Variants in VCL observed in about 807,000 individuals in gnomAD.
VCL encodes the protein vinculin, also known as epididymis luminal protein 114.
A neutral mutation model predicts 125.7 loss-of-function variants in VCL; 47 were observed. The ratio of observed to expected loss-of-function variants is 0.37; its 90% CI spans 0.30 to 0.48. VCL has a LOEUF of 0.48. Among genes scored for constraint, VCL ranks in the 20% least tolerant of loss-of-function variants. The pLI, the probability that VCL is intolerant of heterozygous loss-of-function variation, is 0.99. For synonymous variants in VCL, 458 were observed against 514.6 expected (o/e 0.89, Z 1.49); for missense variants, 1,069 against 1,455.5 (o/e 0.73, Z 4.32).
intron 1 of VCL, among the ~76,000 whole-genome samples, chr10:74,033,505 A>G (rs1232733046): frequency 6.6e-6 from 1 of 152,190 alleles, no homozygotes; most frequent in Non-Finnish European, 1.5e-5. Flanking sequence ...AGTTGACACT[A>G]TTGACTGTTC....
In VCL at chr10:74,074,657, A is replaced by T. The variant is rs190317826; in HGVS notation, c.623-86A>T. ...TTTTAGGATCTTAAAAGCCCAAAAC[A>T]TCTAAAGTGTAGAACATCTTTTGTG... On this transcript the variant is annotated intron_variant, in intron 5 of 21. Coordinates refer to ENST00000211998, the MANE Select transcript of VCL (RefSeq NM_014000.3). The T allele has an allele frequency of 9.5e-5, 143 of 1,509,116 alleles. 3 individuals carry two copies. The East Asian group carries it at 2.1e-3, about 23-fold the overall frequency. The allele number at this position is 1,509,116 out of a possible 1,614,324, so 93.5% of individuals were successfully genotyped here. A position where few individuals can be genotyped will look rare whatever the true frequency, so the allele number is the denominator to read the frequency against.
intron 1 of VCL, among the ~76,000 whole-genome samples, chr10:74,002,880 C>CA (rs777477698): frequency 0.12 from 7,770 of 66,590 alleles, 580 homozygotes; most frequent in African/African-American, 0.28. Flanking sequence ...GACTCTGTCT[C>CA]AAAAAAAAAA....
intron 2 of VCL, among the ~76,000 whole-genome samples, chr10:74,055,291 C>T (rs973842866): frequency 3.3e-5 from 5 of 152,084 alleles, no homozygotes; most frequent in African/African-American, 1.2e-4. Context: ...CAAAGTGAGA[C>T]TCTATTTCAA....
At chr10:74,054,405 A>G (rs1841359388) in intron 2 of VCL, among the ~76,000 whole-genome samples, 1 of 152,162 alleles carries the variant, frequency 6.6e-6, no homozygotes, top group African/African-American at 2.4e-5. Flanking sequence ...CTGTTGATAG[A>G]CGTTAGCCTG....
intron 10 of VCL, 142 bp from the exon 11 acceptor site, chr10:74,094,129 A>G (rs1839929673): frequency 2.1e-6 from 2 of 974,422 alleles, no homozygotes; most frequent in African/African-American, 3.3e-5. Flanking sequence ...TAAGGGCCAA[A>G]TAAATAAACC....
intron 2 of VCL, among the ~76,000 whole-genome samples, chr10:74,064,499 G>C (rs749986241): frequency 3.3e-5 from 5 of 151,896 alleles, no homozygotes; most frequent in Non-Finnish European, 7.4e-5. Context: ...TTGATATCCT[G>C]GACTCAAGCA....
At chr10:73,999,020 A>G (rs1387435687) in intron 1 of VCL, among the ~76,000 whole-genome samples, 2 of 149,290 alleles carry the variant, frequency 1.3e-5, no homozygotes, top group South Asian at 4.2e-4. Context: ...ACTTATGCTC[A>G]CTCCTCTGGC....
At chr10:74,086,560 T>G (rs1182385846) in intron 8 of VCL, among the ~76,000 whole-genome samples, 3 of 152,262 alleles carry the variant, frequency 2.0e-5, no homozygotes, top group African/African-American at 7.2e-5. Flanking sequence ...CTCACTTTTG[T>G]GTCTTTTGTC....
chr10:74,103,414 T>G (rs1442642219), intron 14 of VCL, among the ~76,000 whole-genome samples: 1 of 152,170 alleles, frequency 6.6e-6, no homozygotes. Context: ...TCCTGTCTCA[T>G]GGGGTTGTTG....
chr10:74,112,383 C>T (rs1166646096), intron 19 of VCL, among the ~76,000 whole-genome samples: 1 of 152,138 alleles, frequency 6.6e-6, no homozygotes, highest in Admixed American at 6.5e-5. Flanking sequence ...GATTTTGTGG[C>T]CATCGCTGGA....
chr10:74,024,203 A>G (rs1165393806), intron 1 of VCL, among the ~76,000 whole-genome samples: 1 of 152,134 alleles, frequency 6.6e-6, no homozygotes, highest in African/African-American at 2.4e-5. Context: ...CCTTAATTTA[A>G]TGGGTCAGAA....
rs565899934 is a variant in VCL at position 74,059,846 on chromosome 10, A to G, written c.240-10824A>G. Among the ~76,000 whole-genome samples, 16 of 152,356 alleles carry G rather than the reference A, an allele frequency of 1.1e-4. 1 individual carries two copies. The South Asian group carries it at 3.3e-3, about 32-fold the overall frequency. ...CTCAATATATTAGATGAATAAATAT[A>G]TGAAAGAATTTAAAGGAATTTAAGA... On this transcript the variant is annotated intron_variant, in intron 2 of 21. Transcript: ENST00000211998.
chr10:74,086,516 T>C (rs887187933), intron 8 of VCL, among the ~76,000 whole-genome samples: 1 of 152,248 alleles, frequency 6.6e-6, no homozygotes, highest in African/African-American at 2.4e-5. Flanking sequence ...GAAATGCCAG[T>C]GCAGTTTGAT....
chr10:74,002,655 G>A (rs1312750879), intron 1 of VCL, among the ~76,000 whole-genome samples: 1 of 151,366 alleles, frequency 6.6e-6, no homozygotes, highest in Non-Finnish European at 1.5e-5. Context: ...AGGCCGAGGC[G>A]GGCTGATCAC....
At chr10:74,104,472 A>T (rs956723349) in intron 15 of VCL, among the ~76,000 whole-genome samples, 1 of 152,122 alleles carries the variant, frequency 6.6e-6, no homozygotes, top group African/African-American at 2.4e-5. Context: ...AAAGGGAGAG[A>T]TAGGAAAGAA....
At chr10:74,085,406 A>G (rs1254320543) in intron 8 of VCL, among the ~76,000 whole-genome samples, 2 of 152,172 alleles carry the variant, frequency 1.3e-5, no homozygotes, top group Non-Finnish European at 2.9e-5. Flanking sequence ...CCTCATAAAA[A>G]AATCATTTAA....
intron 5 of VCL, 115 bp downstream of exon 5, chr10:74,072,967 A>G (rs1389563683): frequency 1.1e-5 from 16 of 1,418,166 alleles, no homozygotes; most frequent in Non-Finnish European, 1.4e-5. Flanking sequence ...TTTGAGATGA[A>G]GTCTCACTCT....
intron 2 of VCL, among the ~76,000 whole-genome samples, chr10:74,055,181 T>G (rs1841370662): frequency 6.6e-6 from 1 of 151,400 alleles, no homozygotes; most frequent in African/African-American, 2.4e-5. Flanking sequence ...GTGCCTGTAG[T>G]CCCAGCTACT....
chr10:74,111,001 A>G (rs1363950710), intron 18 of VCL, among the ~76,000 whole-genome samples: 2 of 152,166 alleles, frequency 1.3e-5, no homozygotes, highest in Non-Finnish European at 2.9e-5. Flanking sequence ...TTCACATATT[A>G]TTCTATCTGT....
Sources: allele counts gnomAD v4.1 joint callset (sites outside exome capture counted in the v4.1 genomes callset), GRCh38; gene constraint gnomAD v4.1.1; transcripts MANE v1.5; gene names NCBI Gene and HGNC (gene_info 2026-07-23, HGNC 2026-07-21).